Variants in CRLS1 observed in about 807,000 individuals in gnomAD.
CRLS1 encodes cardiolipin synthase (CMP-forming).
A neutral mutation model predicts 37.0 loss-of-function variants in CRLS1; 24 were observed. The observed-to-expected ratio is 0.65, with a 90% CI of 0.47 to 0.91. The LOEUF (loss-of-function observed/expected upper bound fraction) is 0.91, where lower values mean the gene tolerates loss of function less well. Ranked by LOEUF, CRLS1 falls within the 40% of genes least tolerant of loss-of-function variation. CRLS1 has a pLI of 0.00. For missense variants in CRLS1, 373 were observed against 395.8 expected (o/e 0.94, Z 0.49); for synonymous variants, 135 against 159.7 (o/e 0.85, Z 1.17).
chr20:6,035,639 G>C (rs1422890175), intron 6 of CRLS1, among the ~76,000 whole-genome samples: 1 of 151,316 alleles, frequency 6.6e-6, no homozygotes. Flanking sequence ...TTATTTTTTT[G>C]GAGACAGGGT....
intron 1 of CRLS1, among the ~76,000 whole-genome samples, chr20:6,007,015 T>C (rs2090066358): frequency 6.6e-6 from 1 of 152,212 alleles, no homozygotes; most frequent in Non-Finnish European, 1.5e-5. Context: ...ATGAAGGTAA[T>C]TAAATAATTT....
chr20:6,017,658 A>G (rs1978862078), intron 3 of CRLS1, among the ~76,000 whole-genome samples: 1 of 152,208 alleles, frequency 6.6e-6, no homozygotes, highest in Non-Finnish European at 1.5e-5. Flanking sequence ...TACAAATTTT[A>G]GAATCAGCTT....
chr20:6,018,045 C>G (rs76583954), intron 3 of CRLS1, among the ~76,000 whole-genome samples: 1 of 151,746 alleles, frequency 6.6e-6, no homozygotes, highest in Admixed American at 6.6e-5. Context: ...TGGCGAAACC[C>G]TGTCTACTAA....
chr20:6,011,592 T>G (rs1438398112), intron 2 of CRLS1, among the ~76,000 whole-genome samples: 2 of 109,918 alleles, frequency 1.8e-5, no homozygotes, highest in Admixed American at 8.9e-5. Context: ...TTTTTTTTTT[T>G]TTTTTTTTTT....
At chr20:6,025,564 G>A (rs980619461) in intron 3 of CRLS1, among the ~76,000 whole-genome samples, 3 of 152,172 alleles carry the variant, frequency 2.0e-5, no homozygotes, top group African/African-American at 7.2e-5. Context: ...TGACTTTCAA[G>A]TCTTACTATT....
At chr20:6,027,978 T>A (rs1423079819) in intron 3 of CRLS1, among the ~76,000 whole-genome samples, 2 of 152,256 alleles carry the variant, frequency 1.3e-5, no homozygotes, top group African/African-American at 4.8e-5. Context: ...GTTAAAACTT[T>A]GAAATCTGTC....
Position 6,006,514 on chromosome 20 carries a change from C to T in CRLS1, c.268C>T (p.Pro90Ser), listed in dbSNP as rs1466822215. 2 of 1,335,970 alleles carry T rather than the reference C, an allele frequency of 1.5e-6. No individual in the cohort carries two copies. The highest frequency in any genetic ancestry group is 4.0e-5 in the South Asian group (2 of 49,720). 82.8% of individuals were successfully genotyped at this position (1,335,970 alleles called of 1,614,324 possible). A position where few individuals can be genotyped will look rare whatever the true frequency, so the allele number is the denominator to read the frequency against. Residue 90 changes from proline (P) to serine (S), a missense_variant, in exon 1 of 7, where the codon CCG (proline) becomes TCG (serine). Coordinates refer to ENST00000378863, the MANE Select transcript of CRLS1 (RefSeq NM_019095.6). ...CGGAGCGGGCGCCGCTGCCGAAGCC[C>T]CGGGCGGCCAGTGGGGCCCGGCGAG... ...AAGAGAAAEAPGGQWGPASTP... is the reference protein window; with the variant it reads ...AAGAGAAAEASGGQWGPASTP...
At chr20:6,013,927 A>C (rs1978533431) in intron 2 of CRLS1, among the ~76,000 whole-genome samples, 1 of 152,130 alleles carries the variant, frequency 6.6e-6, no homozygotes. Context: ...TGTGGATTAG[A>C]GGAATAGTGA....
intron 3 of CRLS1, chr20:6,023,544 A>T (rs1427365848): frequency 6.6e-6 from 1 of 152,164 alleles, no homozygotes; most frequent in Non-Finnish European, 1.5e-5. Flanking sequence ...CCCAACTTCG[A>T]GGGCTCTGGG....
At chr20:6,019,187 T>C (rs960052903) in intron 3 of CRLS1, among the ~76,000 whole-genome samples, 1 of 152,204 alleles carries the variant, frequency 6.6e-6, no homozygotes, top group Non-Finnish European at 1.5e-5. Flanking sequence ...AAATAGGTAA[T>C]TCATTTTCTT....
intron 1 of CRLS1, chr20:6,007,259 C>T: frequency 6.5e-7 from 1 of 1,538,914 alleles, no homozygotes; most frequent in Admixed American, 2.0e-5. Flanking sequence ...ATCAGTTGTA[C>T]AGCATGGGTT....
At chr20:6,031,765 T>C (rs1286589180) in intron 4 of CRLS1, among the ~76,000 whole-genome samples, 1 of 152,138 alleles carries the variant, frequency 6.6e-6, no homozygotes, top group Non-Finnish European at 1.5e-5. Context: ...AAAAAGAAAA[T>C]AGTGAATAAG....
intron 3 of CRLS1, chr20:6,028,690 G>A (rs1600383461): frequency 6.6e-6 from 1 of 152,208 alleles, no homozygotes. Context: ...CTCTGCTGTT[G>A]TAGTGTGAAA....
intron 3 of CRLS1, among the ~76,000 whole-genome samples, chr20:6,027,579 T>G (rs563958787): frequency 6.6e-6 from 1 of 150,926 alleles, no homozygotes; most frequent in African/African-American, 2.4e-5. Context: ...CACGCCGAGC[T>G]AATTTTTGTA....
intron 3 of CRLS1, among the ~76,000 whole-genome samples, chr20:6,016,790 T>C (rs2122951352): frequency 6.6e-6 from 1 of 152,252 alleles, no homozygotes; most frequent in Admixed American, 6.5e-5. Context: ...TTTTCTTTCT[T>C]CTGTGTTGAG....
rs567567202 is a variant in CRLS1 at position 6,009,418 on chromosome 20, C to CT, written c.307-348dup. Among the ~76,000 whole-genome samples, 321 of 150,486 alleles carry CT rather than the reference C, an allele frequency of 2.1e-3. 1 individual carries two copies. Among genetic ancestry groups the CT allele is most frequent in the African/African-American group, 7.3e-3 (300 of 41,044 alleles). On this transcript the variant is annotated intron_variant, in intron 1 of 6. Coordinates refer to ENST00000378863, the MANE Select transcript of CRLS1 (RefSeq NM_019095.6). ...ATGATACATCTTCATCTTTTGTATT[C>CT]TTTTTTTTTCTTTTTTTAATTAAAA...
chr20:6,016,525 C>T (rs543395703), intron 3 of CRLS1, among the ~76,000 whole-genome samples: 1 of 152,088 alleles, frequency 6.6e-6, no homozygotes, highest in East Asian at 1.9e-4. Flanking sequence ...AGTGATCCTC[C>T]CACCTCGGCC....
chr20:6,013,703 T>C (rs908239146), intron 2 of CRLS1, among the ~76,000 whole-genome samples: 2 of 152,184 alleles, frequency 1.3e-5, no homozygotes, highest in African/African-American at 4.8e-5. Context: ...GTGGGATTGC[T>C]AGGCAGTATT....
intron 3 of CRLS1, among the ~76,000 whole-genome samples, chr20:6,023,858 G>A (rs1979466172): frequency 6.6e-6 from 1 of 151,662 alleles, no homozygotes; most frequent in African/African-American, 2.4e-5. Flanking sequence ...TTTGCAAAGT[G>A]ACATTTTTTA....
Sources: allele counts gnomAD v4.1 joint callset (sites outside exome capture counted in the v4.1 genomes callset), GRCh38; gene constraint gnomAD v4.1.1; transcripts MANE v1.5; gene names NCBI Gene and HGNC (gene_info 2026-07-23, HGNC 2026-07-21).